Variants in KCNIP1 observed in about 807,000 individuals in gnomAD.
KCNIP1 encodes the protein A-type potassium channel modulatory protein KCNIP1.
A neutral mutation model predicts 33.0 loss-of-function variants in KCNIP1; 18 were observed. The observed-to-expected ratio is 0.55, with a 90% confidence interval of 0.38 to 0.81. The LOEUF is 0.81. KCNIP1 is among the 30% of genes least tolerant of loss of function. The probability of loss-of-function intolerance (pLI) is 0.00; values close to 1 mark genes in which losing one functional copy is unlikely to be tolerated. For synonymous variants in KCNIP1, 93 were observed against 98.3 expected (o/e 0.95, Z 0.32); for missense variants, 238 against 271.6 (o/e 0.88, Z 0.87).
intron 1 of KCNIP1, among the ~76,000 whole-genome samples, chr5:170,370,467 C>T (rs1281974522): frequency 1.3e-5 from 2 of 152,168 alleles, no homozygotes; most frequent in Non-Finnish European, 2.9e-5. Context: ...TGCAGGCTCC[C>T]TCTCAAAGAC....
rs536786099 is a variant in KCNIP1, at chr5:170,462,297, A to T, written c.88+108333A>T. ...AAAAAAAAAAAAAACTACCAAAAAA[A>T]ATCATCAAAAATTGGGCTAAGGACA... On this transcript the variant is annotated intron_variant, in intron 1 of 7. Coordinates refer to the KCNIP1 transcript ENST00000377360. 7.3e-5 allele frequency among the ~76,000 whole-genome samples: 11 copies of T among 151,454 alleles called. No individual in the cohort carries two copies. In the South Asian group the frequency reaches 2.3e-3, roughly 32 times the overall value.
chr5:170,493,997 T>C (rs1367835721), intron 1 of KCNIP1, among the ~76,000 whole-genome samples: 3 of 152,086 alleles, frequency 2.0e-5, no homozygotes, highest in Non-Finnish European at 4.4e-5. Flanking sequence ...GCTGGCTAAA[T>C]TGTTGGAGGG....
intron 1 of KCNIP1, among the ~76,000 whole-genome samples, chr5:170,472,067 C>T (rs1756741285): frequency 6.6e-6 from 1 of 152,112 alleles, no homozygotes; most frequent in South Asian, 2.1e-4. Flanking sequence ...CCCCGTTATT[C>T]TCCAGACGCT....
intron 1 of KCNIP1, among the ~76,000 whole-genome samples, chr5:170,457,386 T>C (rs540055603): frequency 6.6e-6 from 1 of 152,182 alleles, no homozygotes; most frequent in African/African-American, 2.4e-5. Context: ...ACTGCAGGAA[T>C]AAATTAGGAG....
intron 1 of KCNIP1, among the ~76,000 whole-genome samples, chr5:170,571,755 T>C (rs1373976058): frequency 2.6e-5 from 4 of 152,204 alleles, no homozygotes; most frequent in African/African-American, 9.6e-5. Flanking sequence ...GGGACCGTGC[T>C]TAAATGTGGA....
intron 1 of KCNIP1, among the ~76,000 whole-genome samples, chr5:170,423,089 CA>C (rs1471766931): frequency 6.6e-6 from 1 of 152,154 alleles, no homozygotes; most frequent in Non-Finnish European, 1.5e-5. Context: ...CTGTCTCAAA[CA>C]AACGAACTTC....
At chr5:170,597,620 T>G (rs1482022203) in intron 1 of KCNIP1, among the ~76,000 whole-genome samples, 1 of 151,798 alleles carries the variant, frequency 6.6e-6, no homozygotes, top group Non-Finnish European at 1.5e-5. Context: ...CCTGACAGGA[T>G]GAATTCCCTC....
At chr5:170,404,731 G>T (rs1400682133) in intron 1 of KCNIP1, among the ~76,000 whole-genome samples, 1 of 152,206 alleles carries the variant, frequency 6.6e-6, no homozygotes, top group African/African-American at 2.4e-5. Flanking sequence ...CATGAGGCTA[G>T]CCCAGACTCA....
chr5:170,659,720 C>T (rs1761402995), intron 1 of KCNIP1, among the ~76,000 whole-genome samples: 2 of 152,202 alleles, frequency 1.3e-5, no homozygotes, highest in Non-Finnish European at 2.9e-5. Context: ...GAACAAGACT[C>T]CTTGCTTTTC....
At chr5:170,412,621 T>C (rs1755224815) in intron 1 of KCNIP1, among the ~76,000 whole-genome samples, 1 of 152,018 alleles carries the variant, frequency 6.6e-6, no homozygotes, top group Non-Finnish European at 1.5e-5. Context: ...ACCAGCAAAA[T>C]GCCTCCTGGA....
chr5:170,715,319 A>G (rs1023425433), intron 1 of KCNIP1, among the ~76,000 whole-genome samples: 2 of 152,164 alleles, frequency 1.3e-5, no homozygotes, highest in South Asian at 2.1e-4. Context: ...CTAACAACAC[A>G]TTTCTCAGAG....
intron 1 of KCNIP1, chr5:170,669,743 T>C: frequency 1.6e-6 from 1 of 615,568 alleles, no homozygotes; most frequent in Non-Finnish European, 2.0e-6. Flanking sequence ...ACTAATGAGA[T>C]GAGTGGATTA....
At chr5:170,501,497 T>C (rs1359295177), upstream of KCNIP1, among the ~76,000 whole-genome samples, 1 of 152,236 alleles carries the variant, frequency 6.6e-6, no homozygotes, top group Admixed American at 6.5e-5. Context: ...ACTTTATACC[T>C]ACTGTTCAGA....
intron 1 of KCNIP1, among the ~76,000 whole-genome samples, chr5:170,617,895 G>GAGAAAA (rs1367480124): frequency 1.3e-5 from 2 of 152,196 alleles, no homozygotes; most frequent in African/African-American, 4.8e-5. Flanking sequence ...TTTCCTTCGA[G>GAGAAAA]GTAGGTGAGA....
intron 1 of KCNIP1, among the ~76,000 whole-genome samples, chr5:170,472,819 T>C (rs1756767254): frequency 6.6e-6 from 1 of 152,220 alleles, no homozygotes; most frequent in Non-Finnish European, 1.5e-5. Context: ...AGTTTCTTTA[T>C]CCACTCGTTG....
At chr5:170,566,122 G>A (rs1041645884) in intron 1 of KCNIP1, among the ~76,000 whole-genome samples, 9 of 151,340 alleles carry the variant, frequency 5.9e-5, no homozygotes, top group Admixed American at 2.6e-4. Context: ...TCTGCCTCCC[G>A]GGTTCAAGCG....
intron 1 of KCNIP1, among the ~76,000 whole-genome samples, chr5:170,681,591 G>A (rs530341376): frequency 6.6e-6 from 1 of 152,312 alleles, no homozygotes; most frequent in South Asian, 2.1e-4. Flanking sequence ...AAGTTTAGGA[G>A]ATTATATGGA....
At chr5:170,689,528 C>T (rs1375270446) in intron 1 of KCNIP1, among the ~76,000 whole-genome samples, 1 of 152,210 alleles carries the variant, frequency 6.6e-6, no homozygotes, top group Non-Finnish European at 1.5e-5. Context: ...AACAGAGATT[C>T]ATGCAGAAAG....
At chr5:170,698,848 G>A (rs1272153783) in intron 1 of KCNIP1, among the ~76,000 whole-genome samples, 3 of 152,144 alleles carry the variant, frequency 2.0e-5, no homozygotes, top group Non-Finnish European at 4.4e-5. Context: ...GTAAAGTAGG[G>A]ATTATTCCCA....
Sources: allele counts gnomAD v4.1 joint callset (sites outside exome capture counted in the v4.1 genomes callset), GRCh38; gene constraint gnomAD v4.1.1; transcripts MANE v1.5; gene names NCBI Gene and HGNC (gene_info 2026-07-23, HGNC 2026-07-21).